The following LOXHD1 variants were observed in gnomAD, a reference collection of about 807,000 sequenced individuals.
LOXHD1 encodes the protein lipoxygenase homology PLAT domains 1.
A neutral mutation model predicts 248.2 loss-of-function variants in LOXHD1; 205 were observed. That is an observed-to-expected ratio of 0.83 (90% confidence interval 0.74 to 0.93). The LOEUF (loss-of-function observed/expected upper bound fraction) is 0.93. Ranked by LOEUF, LOXHD1 falls within the 40% of genes least tolerant of loss-of-function variation. The pLI, the probability that LOXHD1 is intolerant of heterozygous loss-of-function variation, is 0.00. For missense variants in LOXHD1, 2,930 were observed against 2,971.6 expected, an observed-to-expected ratio of 0.99 and a Z score of 0.33; for synonymous variants, 1,113 against 1,162.8, an observed-to-expected ratio of 0.96 and a Z score of 0.87.
intron 12 of LOXHD1, among the ~76,000 whole-genome samples, chr18:46,581,832 A>G (rs1315130191): frequency 6.6e-6 from 1 of 152,236 alleles, no homozygotes; most frequent in Admixed American, 6.5e-5. Flanking sequence ...CATATAAGGG[A>G]TGCTCAATAC....
intron 2 of LOXHD1, among the ~76,000 whole-genome samples, chr18:46,645,570 C>A (rs758924876): frequency 1.3e-5 from 2 of 151,972 alleles, no homozygotes; most frequent in Non-Finnish European, 2.9e-5. Flanking sequence ...GGGAAGAGTG[C>A]GAGGAAACCC....
At chr18:46,494,146 A>C (rs2033677923) in intron 37 of LOXHD1, among the ~76,000 whole-genome samples, 1 of 152,088 alleles carries the variant, frequency 6.6e-6, no homozygotes, top group Non-Finnish European at 1.5e-5. Flanking sequence ...ACATCTTGAG[A>C]AATCTCTGCT....
At position 46,593,686 on chromosome 18, in the gene LOXHD1, T is replaced by G; in HGVS notation, c.1345A>C (p.Ile449Leu). Residue 449 changes from isoleucine to leucine, a missense_variant, in exon 10 of 41, where the codon ATT becomes CTT. Coordinates refer to ENST00000642948, the MANE Select transcript of LOXHD1 (RefSeq NM_001384474.1). ...AGTNSPIFIQIYGQKGRTDEI... is the reference protein window; with the variant it reads ...AGTNSPIFIQLYGQKGRTDEI... Reference sequence around the variant, plus strand: ...TCTGTCCGCCCCTTCTGCCCATAAATCTGGATGAAGATGGGAGAGTTGGTA... The same window carrying G: ...TCTGTCCGCCCCTTCTGCCCATAAAGCTGGATGAAGATGGGAGAGTTGGTA... 6.4e-7 allele frequency: 1 copy of G among 1,552,278 alleles called. No homozygotes were observed. Among genetic ancestry groups the G allele is most frequent in the Non-Finnish European group, 8.7e-7 (1 of 1,147,100 alleles).
intron 16 of LOXHD1, 109 bp downstream of exon 16, chr18:46,569,333 A>AGT: frequency 1.1e-6 from 1 of 925,654 alleles, no homozygotes; most frequent in Non-Finnish European, 1.7e-6. Flanking sequence ...TATGTACATG[A>AGT]GTGTGTGCGT....
chr18:46,509,748 G>T lies in LOXHD1; in HGVS notation c.5467C>A (p.Arg1823=), dbSNP rs759919888. ...ILDIAPFTKM[R]IRIDGLGSRP... is the part of the protein sequence containing the mutation. ...CTGCCCAGGCCATCAATCCGGATCCGCATCTTGGTGAATGGAGCAATGTCT... is the reference window on the plus strand; with the variant it reads ...CTGCCCAGGCCATCAATCCGGATCCTCATCTTGGTGAATGGAGCAATGTCT... Residue 1823 remains arginine (R), a synonymous_variant, in exon 35 of 41, where the codon CGG becomes AGG. Transcript: ENST00000642948. 1.0e-5 allele frequency: 16 copies of T among 1,551,388 alleles called. No individual in the cohort carries two copies. Among genetic ancestry groups the T allele is most frequent in the Non-Finnish European group, 1.4e-5 (16 of 1,146,982 alleles).
At chr18:46,520,724 A>G (rs904518787) in intron 33 of LOXHD1, 7 of 244,484 alleles carry the variant, frequency 2.9e-5, no homozygotes, top group Admixed American at 2.0e-4. Context: ...TTGGTGAACA[A>G]TGACCCTGCC....
Position 46,589,904 on chromosome 18 carries a change from G to A in LOXHD1, c.1654+2029C>T, listed in dbSNP as rs192013744. ...GTCATGCTTCACTCAAGGCAAAGAG[G>A]GGGTGGAAGTAAAGAACATTCTGGA... is the stretch of plus-strand genomic sequence containing the variant. On this transcript the variant is annotated intron_variant, in intron 12 of 40. Transcript: ENST00000642948. 9.5e-4 allele frequency among the ~76,000 whole-genome samples: 145 copies of A among 152,158 alleles called. No homozygotes were observed. In the Middle Eastern group the frequency reaches 0.02, roughly 21 times the overall value.
At chr18:46,522,010 C>T (rs2035598260) in intron 32 of LOXHD1, 91 bp downstream of exon 32, 1 of 726,122 alleles carries the variant, frequency 1.4e-6, no homozygotes, top group Non-Finnish European at 2.1e-6. Flanking sequence ...GGCTGTTCTT[C>T]CCACCCTGCA....
chr18:46,502,423 C>A (rs983340270), intron 37 of LOXHD1, among the ~76,000 whole-genome samples: 10 of 152,130 alleles, frequency 6.6e-5, no homozygotes, highest in Non-Finnish European at 1.3e-4. Flanking sequence ...AGGCAGGAAG[C>A]AGAGATGAGC....
chr18:46,535,578 G>GTTT (rs1013480739), intron 26 of LOXHD1, among the ~76,000 whole-genome samples: 2 of 98,364 alleles, frequency 2.0e-5, no homozygotes, highest in African/African-American at 8.9e-5. Flanking sequence ...GGCTGCCTCT[G>GTTT]TTTTTGTTGT....
chr18:46,562,805 G>A (rs1194354347), intron 18 of LOXHD1, among the ~76,000 whole-genome samples: 4 of 152,288 alleles, frequency 2.6e-5, no homozygotes, highest in East Asian at 3.9e-4. Context: ...GGTATGGGGC[G>A]TGCACCAGGC....
rs2143919429 is a variant in LOXHD1 at position 46,507,662 on chromosome 18, T to G, written c.5568A>C (p.Gly1856=). 6.4e-7 allele frequency: 1 copy of G among 1,551,700 alleles called. No homozygotes were observed. Among genetic ancestry groups the G allele is most frequent in the Non-Finnish European group, 8.7e-7 (1 of 1,146,966 alleles). Reference sequence around the variant, plus strand: ...TGCCCTTCCGCTGGGACAGCCAGTCTCCATAGTAGAACATGGTCAGGTCTC... The same window carrying G: ...TGCCCTTCCGCTGGGACAGCCAGTCGCCATAGTAGAACATGGTCAGGTCTC... The part of the protein sequence containing the change: ...NTGDLTMFYY[G]DWLSQRKGKK... The change falls in exon 36 of 41, where the codon GGA becomes GGC. Residue 1856 remains glycine (G), a synonymous_variant. Coordinates refer to ENST00000642948, the MANE Select transcript of LOXHD1 (RefSeq NM_001384474.1).
At position 46,641,944 on chromosome 18, in the gene LOXHD1, C is replaced by T. The variant is rs1273271400; in HGVS notation, c.326+12G>A. 23 of 1,550,050 alleles carry T rather than the reference C, an allele frequency of 1.5e-5. No individual in the cohort carries two copies. Among genetic ancestry groups the T allele is most frequent in the Non-Finnish European group, 1.9e-5 (22 of 1,145,422 alleles). On this transcript the variant is annotated intron_variant, in intron 3 of 40. Transcript: ENST00000642948. ...CTCCACCCTCAATCCTAGTCAGGCGCCAGCTTCTCACCTGACTTTATAGAT... is the reference window on the plus strand; with the variant it reads ...CTCCACCCTCAATCCTAGTCAGGCGTCAGCTTCTCACCTGACTTTATAGAT...
In LOXHD1 at chr18:46,533,207, C is replaced by A; in HGVS notation, c.4330G>T (p.Gly1444Trp). Residue 1444 changes from glycine to tryptophan, a missense_variant, in exon 28 of 41, where the codon GGG becomes TGG. By Grantham distance (184) the Gly-to-Trp change is radical (BLOSUM62 -2). Transcript: ENST00000642948. ...DIFTEKYMKDGSLRQVYKEVE... is the reference protein window; with the variant it reads ...DIFTEKYMKDWSLRQVYKEVE... ...TCCTTGTAGACTTGCCGTAAGGACC[C>A]ATCTTTCATGTATTTCTCAGTGAAG... 1 of 1,551,722 alleles carries A rather than the reference C, an allele frequency of 6.4e-7. No individual in the cohort carries two copies. Among genetic ancestry groups the A allele is most frequent in the Non-Finnish European group, 8.7e-7 (1 of 1,147,000 alleles).
intron 26 of LOXHD1, 149 bp downstream of exon 26, chr18:46,538,007 G>A: frequency 3.0e-6 from 2 of 661,504 alleles, no homozygotes; most frequent in Non-Finnish European, 4.9e-6. Context: ...GATGTACTGA[G>A]GCCCAGGAAG....
chr18:46,507,501 G>A (rs1178191972), intron 36 of LOXHD1, 37 bp downstream of exon 36: 1 of 1,550,796 alleles, frequency 6.4e-7, no homozygotes, highest in Admixed American at 2.0e-5. Context: ...GGTTGGAGTG[G>A]TAAGGGAGCG....
chr18:46,615,370 T>G lies in LOXHD1; in HGVS notation c.610+2822A>C, dbSNP rs370423740. 3.3e-5 allele frequency among the ~76,000 whole-genome samples: 5 copies of G among 152,342 alleles called. No individual in the cohort carries two copies. The East Asian group carries it at 5.8e-4, about 18-fold the overall frequency. On this transcript the variant is annotated intron_variant, in intron 5 of 40. Coordinates refer to ENST00000642948, the MANE Select transcript of LOXHD1 (RefSeq NM_001384474.1). ...TGATGGGTAACAGGGACCTGCATAGTTGCTATTGCTACTGTGTCCTCTAGT... is the reference window on the plus strand; with the variant it reads ...TGATGGGTAACAGGGACCTGCATAGGTGCTATTGCTACTGTGTCCTCTAGT...
chr18:46,592,154 A>G, intron 11 of LOXHD1, 86 bp from the exon 12 acceptor site: 1 of 1,489,546 alleles, frequency 6.7e-7, no homozygotes, highest in Non-Finnish European at 9.2e-7. Context: ...ATCTCATTGC[A>G]GAGAAGCCAA....
At chr18:46,488,565 A>G (rs1355745398) in intron 38 of LOXHD1, among the ~76,000 whole-genome samples, 1 of 152,190 alleles carries the variant, frequency 6.6e-6, no homozygotes, top group South Asian at 2.1e-4. Flanking sequence ...AAGGGACAAA[A>G]GGAAAGCCGC....
Sources: gnomAD v4.1 joint callset for allele counts (sites outside exome capture counted in the v4.1 genomes callset) on GRCh38, gnomAD v4.1.1 for gene constraint, MANE v1.5 for transcripts, NCBI Gene and HGNC (gene_info 2026-07-23, HGNC 2026-07-21) for gene names.